The following CATIP variants were observed in gnomAD, a reference collection of about 807,000 sequenced individuals.
The protein encoded by CATIP is ciliogenesis-associated TTC17-interacting protein.
CATIP carries 40 observed loss-of-function variants against 42.5 expected under a neutral mutation model. That is an observed-to-expected ratio of 0.94 (90% CI 0.73 to 1.22). The LOEUF (loss-of-function observed/expected upper bound fraction) is 1.22. Ranked by LOEUF, CATIP falls within the 50% of genes most tolerant of loss-of-function variation. The probability of loss-of-function intolerance (pLI) is 0.00; values close to 1 mark genes in which losing one functional copy is unlikely to be tolerated. For synonymous variants in CATIP, 222 were observed against 200.2 expected, an observed-to-expected ratio of 1.11 and a Z score of -0.92; for missense variants, 489 against 496.0, an observed-to-expected ratio of 0.99 and a Z score of 0.13.
chr2:218,357,614 A>C lies in CATIP; in HGVS notation c.199A>C (p.Thr67Pro), dbSNP rs147879826. 6.2e-7 allele frequency: 1 copy of C among 1,614,042 alleles called. No individual in the cohort carries two copies. The highest frequency in any genetic ancestry group is 8.5e-7 in the Non-Finnish European group (1 of 1,179,970). Residue 67 changes from threonine to proline, a missense_variant, in exon 3 of 10, where the codon ACC becomes CCC. Coordinates refer to ENST00000289388, the MANE Select transcript of CATIP (RefSeq NM_198559.2). ...SDTGEPQGEL[T>P]IEVQRGKYQE... ...CACCGGGGAGCCTCAGGGAGAGCTG[A>C]CCATTGAGGTGCAGAGAGGGAAATA... is the stretch of plus-strand genomic sequence containing the variant.
chr2:218,367,451 T>TGTAAGAACCCCCTGGGATGGTGCCGAG lies in CATIP; in HGVS notation c.856_857insAAGAACCCCCTGGGATGGTGCCGAGGT (p.Val285_Phe286insTer). 1 of 1,614,122 alleles carries TGTAAGAACCCCCTGGGATGGTGCCGAG rather than the reference T, an allele frequency of 6.2e-7. No homozygotes were observed. The highest frequency in any genetic ancestry group is 8.5e-7 in the Non-Finnish European group (1 of 1,180,010). On this transcript the variant is annotated stop_gained and inframe_insertion, in exon 9 of 10. Transcript: ENST00000289388. LOFTEE classifies it high-confidence loss of function. ...CTAGATGAGATTGAGCCACGCCCAG[T>TGTAAGAACCCCCTGGGATGGTGCCGAG]GTTTGAGAAGAAGCCCCTGGTATGG...
rs145198997 is a variant in CATIP at position 218,367,058 on chromosome 2, G to A, written c.790G>A (p.Gly264Arg). 6.2e-7 allele frequency: 1 copy of A among 1,613,824 alleles called. No individual in the cohort carries two copies. Among genetic ancestry groups the A allele is most frequent in the Non-Finnish European group, 8.5e-7 (1 of 1,179,858 alleles). The change falls in exon 8 of 10, where the codon GGG becomes AGG. Residue 264 changes from glycine (G) to arginine (R), a missense_variant. Coordinates refer to ENST00000289388, the MANE Select transcript of CATIP (RefSeq NM_198559.2). ...CAAGAGAATACAGGTGGGCTCCCCA[G>A]GGTGCTGCATCATCACCAAGATGCC... ...LAKRIQVGSP[G>R]CCIITKMPIL...
At chr2:218,359,250 G>A (rs1360130300) in intron 4 of CATIP, among the ~76,000 whole-genome samples, 3 of 150,232 alleles carry the variant, frequency 2.0e-5, no homozygotes, top group East Asian at 2.0e-4. Flanking sequence ...GCTGAGACAG[G>A]AGAATTGCTT....
intron 5 of CATIP, among the ~76,000 whole-genome samples, chr2:218,361,110 C>T (rs1309564880): frequency 1.3e-5 from 2 of 152,110 alleles, no homozygotes; most frequent in Non-Finnish European, 2.9e-5. Context: ...GGATTACAGG[C>T]GTGAGCCACC....
chr2:218,357,266 T>TCC, intron 2 of CATIP, 79 bp downstream of exon 2: 1 of 785,768 alleles, frequency 1.3e-6, no homozygotes, highest in South Asian at 1.7e-5. Context: ...CCAGTCTCTC[T>TCC]CTCTCTCTCT....
chr2:218,358,883 CAA>C (rs34797850), intron 4 of CATIP, among the ~76,000 whole-genome samples: 18 of 123,678 alleles, frequency 1.5e-4, no homozygotes, highest in Non-Finnish European at 1.6e-4. Flanking sequence ...GACCCTGTCT[CAA>C]AAAAAAAAAA....
At chr2:218,364,091 A>G (rs1407879305) in intron 6 of CATIP, among the ~76,000 whole-genome samples, 2 of 152,192 alleles carry the variant, frequency 1.3e-5, no homozygotes, top group African/African-American at 2.4e-5. Context: ...AGGCTTGTCT[A>G]TCAAAACACA....
In CATIP at chr2:218,368,011, G is replaced by A; in HGVS notation, c.*47G>A. ...GGCAGGAAACCAGGGGTCGGGCTGG[G>A]ACGCGGGCGGGACGCGCCGGGGCGG... On this transcript the variant is annotated 3_prime_UTR_variant, in exon 10 of 10. Transcript: ENST00000289388. 1 of 1,463,924 alleles carries A rather than the reference G, an allele frequency of 6.8e-7. No individual in the cohort carries two copies. Among genetic ancestry groups the A allele is most frequent in the Non-Finnish European group, 9.0e-7 (1 of 1,114,876 alleles). 90.7% of individuals were successfully genotyped at this position (1,463,924 alleles called of 1,614,324 possible).
At chr2:218,357,023 A>G (rs1695037983) in intron 1 of CATIP, 72 bp from the exon 2 acceptor site, 6 of 1,564,226 alleles carry the variant, frequency 3.8e-6, no homozygotes, top group Non-Finnish European at 4.4e-6. Context: ...GGACTGAGGT[A>G]CCCTGCCTTG....
At chr2:218,361,275 G>A (rs1425051562) in intron 5 of CATIP, among the ~76,000 whole-genome samples, 2 of 152,008 alleles carry the variant, frequency 1.3e-5, no homozygotes, top group Non-Finnish European at 2.9e-5. Context: ...TCGGGAGGGT[G>A]AGGCAGGAGA....
Position 218,357,208 on chromosome 2 carries a change from G to A in CATIP, c.118+21G>A, listed in dbSNP as rs539765599. The A allele has an allele frequency of 2.5e-6, 4 of 1,591,582 alleles. No individual in the cohort carries two copies. The East Asian group carries it at 6.7e-5, about 27-fold the overall frequency. ...CCTCCGTGAGCTCAGACAGTGTCGG[G>A]GTTGGGGGTGCGGGAGGGGTGCAAG... On this transcript the variant is annotated intron_variant, in intron 2 of 9. Coordinates refer to ENST00000289388, the MANE Select transcript of CATIP (RefSeq NM_198559.2).
intron 5 of CATIP, among the ~76,000 whole-genome samples, chr2:218,361,945 CA>C (rs1695247873): frequency 6.6e-6 from 1 of 150,606 alleles, no homozygotes; most frequent in Admixed American, 6.6e-5. Flanking sequence ...AAGCAAGAGG[CA>C]GGAGGATAGC....
chr2:218,364,790 A>G (rs1437509973), intron 7 of CATIP, 38 bp downstream of exon 7: 1 of 1,590,258 alleles, frequency 6.3e-7, no homozygotes, highest in South Asian at 1.1e-5. Flanking sequence ...GGTGGTGCTG[A>G]GCTTGTAGGT....
Position 218,362,826 on chromosome 2 carries a change from C to G in CATIP, c.554C>G (p.Ala185Gly). The G allele has an allele frequency of 6.2e-7, 1 of 1,614,106 alleles. No individual in the cohort carries two copies. Among genetic ancestry groups the G allele is most frequent in the Non-Finnish European group, 8.5e-7 (1 of 1,180,018 alleles). Residue 185 changes from alanine to glycine, a missense_variant, in exon 6 of 10, where the codon GCC (alanine) becomes GGC (glycine). By Grantham distance (60) the Ala-to-Gly change is moderately conservative. Coordinates refer to ENST00000289388, the MANE Select transcript of CATIP (RefSeq NM_198559.2). ...AACCTGGTGCTGCTCAGGGTGATGGCCTGGCGGCGGATGGTGCCCAGCAAT... is the reference window on the plus strand; with the variant it reads ...AACCTGGTGCTGCTCAGGGTGATGGGCTGGCGGCGGATGGTGCCCAGCAAT... ...AANLVLLRVMAWRRMVPSNAR... is the reference protein window; with the variant it reads ...AANLVLLRVMGWRRMVPSNAR...
At chr2:218,361,889 C>A (rs2106313112) in intron 5 of CATIP, among the ~76,000 whole-genome samples, 1 of 152,192 alleles carries the variant, frequency 6.6e-6, no homozygotes, top group Non-Finnish European at 1.5e-5. Context: ...ACGATTCATT[C>A]ATTAGGCTGG....
At position 218,356,878 on chromosome 2, in the gene CATIP, C is replaced by A. The variant is rs759047249; in HGVS notation, c.-7C>A. On this transcript the variant is annotated 5_prime_UTR_variant, in exon 1 of 10. Transcript: ENST00000289388. ...GGACACAGACCGGGTAGAGGCAGGC[C>A]CACAGCATGTCCTCCAAGGTTTACT... is the stretch of plus-strand genomic sequence containing the variant. The A allele has an allele frequency of 1.2e-6, 2 of 1,614,032 alleles. No individual in the cohort carries two copies. The highest frequency in any genetic ancestry group is 2.7e-5 in the African/African-American group (2 of 75,024).
intron 5 of CATIP, among the ~76,000 whole-genome samples, chr2:218,361,650 CA>C (rs1437115106): frequency 6.6e-6 from 1 of 152,176 alleles, no homozygotes; most frequent in Non-Finnish European, 1.5e-5. Flanking sequence ...CCTTTGTCCA[CA>C]AGGAATTTCC....
Position 218,357,623 on chromosome 2 carries a change from G to T in CATIP, c.208G>T (p.Val70Leu). Reference sequence around the variant, plus strand: ...GCCTCAGGGAGAGCTGACCATTGAGGTGCAGAGAGGGAAATACCAGGAAAA... The same window carrying T: ...GCCTCAGGGAGAGCTGACCATTGAGTTGCAGAGAGGGAAATACCAGGAAAA... ...GEPQGELTIE[V>L]QRGKYQEKLG... The change falls in exon 3 of 10, where the codon GTG (valine) becomes TTG (leucine). Residue 70 changes from valine (V) to leucine (L), a missense_variant. Val to Leu is a conservative substitution (Grantham distance 32). Transcript: ENST00000289388. The T allele has an allele frequency of 6.8e-6, 11 of 1,614,098 alleles. No individual in the cohort carries two copies. Among genetic ancestry groups the T allele is most frequent in the Non-Finnish European group, 9.3e-6 (11 of 1,179,990 alleles).
At position 218,357,740 on chromosome 2, in the gene CATIP, G is replaced by T. The variant is rs199998012; in HGVS notation, c.319+6G>T. 68 of 1,610,774 alleles carry T rather than the reference G, an allele frequency of 4.2e-5. No homozygotes were observed. Among genetic ancestry groups the T allele is most frequent in the Non-Finnish European group, 5.7e-5 (67 of 1,178,906 alleles). On this transcript the variant is annotated splice_donor_region_variant and intron_variant, in intron 3 of 9. Transcript: ENST00000289388. ...CTGCGGAAATTCCCTCCTGGGTAGC[G>T]TTCCTACTGCCTGATGCCCGTCACT...
Sources: gnomAD v4.1 joint callset for allele counts (sites outside exome capture counted in the v4.1 genomes callset) on GRCh38, gnomAD v4.1.1 for gene constraint, MANE v1.5 for transcripts, NCBI Gene and HGNC (gene_info 2026-07-23, HGNC 2026-07-21) for gene names.